Variants in KTN1 observed in about 807,000 individuals in gnomAD.
The protein encoded by KTN1 is kinectin.
In KTN1, 130 loss-of-function variants were observed where a neutral mutation model predicts 222.5. The observed-to-expected ratio is 0.58, with a 90% confidence interval of 0.51 to 0.68. The LOEUF is 0.68. Ranked by LOEUF, KTN1 falls within the 30% of genes least tolerant of loss-of-function variation. The pLI is 0.00. For missense variants in KTN1, 1,508 were observed against 1,500.4 expected (o/e 1.01, Z -0.08); for synonymous variants, 512 against 496.3 (o/e 1.03, Z -0.42).
chr14:55,664,878 A>G (rs2044537562), intron 33 of KTN1, among the ~76,000 whole-genome samples: 1 of 152,136 alleles, frequency 6.6e-6, no homozygotes, highest in South Asian at 2.1e-4. Flanking sequence ...AAGAACCTAC[A>G]TGATTAATTT....
intron 1 of KTN1, among the ~76,000 whole-genome samples, chr14:55,594,747 A>G (rs1485082545): frequency 6.6e-6 from 1 of 152,216 alleles, no homozygotes; most frequent in African/African-American, 2.4e-5. Flanking sequence ...AACAATGAAG[A>G]CAAATTTGTG....
intron 4 of KTN1, among the ~76,000 whole-genome samples, chr14:55,618,592 G>A (rs1314455601): frequency 2.0e-5 from 3 of 152,122 alleles, no homozygotes; most frequent in African/African-American, 7.2e-5. Flanking sequence ...TCTGATGGGT[G>A]GCAGCTCTTT....
chr14:55,677,481 A>G (rs1595326223), intron 41 of KTN1, among the ~76,000 whole-genome samples: 3 of 91,768 alleles, frequency 3.3e-5, no homozygotes, highest in Middle Eastern at 0.011. Flanking sequence ...TCTAAAAAAA[A>G]AAAAAAAAAA....
chr14:55,581,069 G>C (rs1455101193), intron 1 of KTN1, among the ~76,000 whole-genome samples: 1 of 152,232 alleles, frequency 6.6e-6, no homozygotes, highest in African/African-American at 2.4e-5. Context: ...CTAGCGATTC[G>C]GCCTGACCCC....
At chr14:55,619,157 G>C (rs752901757) in intron 4 of KTN1, 25 bp from the exon 5 acceptor site, 2 of 1,574,196 alleles carry the variant, frequency 1.3e-6, no homozygotes, top group Non-Finnish European at 1.7e-6. Context: ...CCAACTCTTT[G>C]TTTGTTTGTT....
chr14:55,593,706 T>A (rs545640964), intron 1 of KTN1, among the ~76,000 whole-genome samples: 1 of 152,286 alleles, frequency 6.6e-6, no homozygotes, highest in South Asian at 2.1e-4. Flanking sequence ...AAGGAATTAC[T>A]AATTTTTAAT....
At position 55,664,055 on chromosome 14, in the gene KTN1, C is replaced by T. The variant is rs376686874; in HGVS notation, c.3177+14C>T. 1,023 of 1,569,232 alleles carry T rather than the reference C, an allele frequency of 6.5e-4. 1 individual carries two copies. The highest frequency in any genetic ancestry group is 8.3e-4 in the Non-Finnish European group (949 of 1,142,366). Reference sequence around the variant, plus strand: ...AAGACTTCCAAGGTTGTAATGCTAACTCCTAGAAACAATCCACTGAACAGA... The same window carrying T: ...AAGACTTCCAAGGTTGTAATGCTAATTCCTAGAAACAATCCACTGAACAGA... On this transcript the variant is annotated intron_variant, in intron 33 of 43. Coordinates refer to ENST00000395314, the MANE Select transcript of KTN1 (RefSeq NM_001079521.2).
chr14:55,653,602 T>C lies in KTN1; in HGVS notation c.2801+6T>C. ...TTTGAAGAACTTGAGATTGTGTAAG[T>C]ATGCTTTAAGACCACATTTTGAAGA... On this transcript the variant is annotated splice_donor_region_variant and intron_variant, in intron 28 of 43. Transcript: ENST00000395314. The C allele has an allele frequency of 6.2e-7, 1 of 1,605,448 alleles. No homozygotes were observed. Among genetic ancestry groups the C allele is most frequent in the Non-Finnish European group, 8.5e-7 (1 of 1,172,788 alleles).
chr14:55,599,207 ATTTCT>A (rs750618891), intron 1 of KTN1, among the ~76,000 whole-genome samples: 52 of 151,426 alleles, frequency 3.4e-4, no homozygotes, highest in Admixed American at 5.9e-4. Flanking sequence ...TGTGTTTCTG[ATTTCT>A]TTTATAACTC....
Position 55,648,859 on chromosome 14 carries a change from C to G in KTN1, c.2356C>G (p.Gln786Glu). 6.3e-7 allele frequency: 1 copy of G among 1,583,486 alleles called. No individual in the cohort carries two copies. Among genetic ancestry groups the G allele is most frequent in the Non-Finnish European group, 8.7e-7 (1 of 1,154,246 alleles). ...AGAAGTTCAAGACTTAAAAGCTAAG[C>G]AAAATGATCAGGTAATGTAAATTTT... is the stretch of plus-strand genomic sequence containing the variant. ...TKEVQDLKAK[Q>E]NDQVSFASLV... The change falls in exon 21 of 44, where the codon CAA becomes GAA. Residue 786 changes from glutamine (Q) to glutamate (E), a missense_variant. Gln to Glu is a conservative substitution (Grantham distance 29). Coordinates refer to ENST00000395314, the MANE Select transcript of KTN1 (RefSeq NM_001079521.2).
At chr14:55,684,053 G>T in intron 43 of KTN1, 46 bp from the exon 44 acceptor site, 3 of 1,562,772 alleles carry the variant, frequency 1.9e-6, no homozygotes, top group Non-Finnish European at 2.6e-6. Context: ...ATTGCCTTCT[G>T]TTGCTTTGTT....
intron 29 of KTN1, 180 bp downstream of exon 29, chr14:55,656,312 A>G (rs2043464232): frequency 5.6e-6 from 3 of 538,148 alleles, no homozygotes; most frequent in Admixed American, 3.5e-5. Flanking sequence ...GTGTGTATGT[A>G]TGTATACTTG....
At chr14:55,637,701 C>T in intron 11 of KTN1, 78 bp from the exon 12 acceptor site, 1 of 937,798 alleles carries the variant, frequency 1.1e-6, no homozygotes, top group Non-Finnish European at 1.6e-6. Context: ...AACAAATGTA[C>T]CTATAATACA....
intron 1 of KTN1, among the ~76,000 whole-genome samples, chr14:55,585,636 T>A (rs1376623901): frequency 6.6e-6 from 1 of 152,210 alleles, no homozygotes; most frequent in African/African-American, 2.4e-5. Flanking sequence ...ATCAAGGCCT[T>A]CCAAAGGATT....
intron 1 of KTN1, among the ~76,000 whole-genome samples, chr14:55,603,753 G>A (rs190438200): frequency 2.6e-5 from 4 of 152,168 alleles, no homozygotes; most frequent in Middle Eastern, 3.4e-3. Context: ...CTGTCTCCTG[G>A]ACATCTCCAC....
At chr14:55,655,454 C>G (rs2043372824) in intron 28 of KTN1, among the ~76,000 whole-genome samples, 1 of 152,098 alleles carries the variant, frequency 6.6e-6, no homozygotes, top group Non-Finnish European at 1.5e-5. Flanking sequence ...ATACTTGAGA[C>G]TCTATTATGT....
intron 1 of KTN1, among the ~76,000 whole-genome samples, chr14:55,590,272 A>T (rs565441494): frequency 1.3e-5 from 2 of 152,346 alleles, no homozygotes; most frequent in African/African-American, 4.8e-5. Flanking sequence ...CTATTAAATG[A>T]TTCAGACATA....
chr14:55,597,551 C>T (rs1239055339), intron 1 of KTN1, among the ~76,000 whole-genome samples: 1 of 152,110 alleles, frequency 6.6e-6, no homozygotes, highest in African/African-American at 2.4e-5. Flanking sequence ...GGAATATGAA[C>T]ATTAAAATTG....
At chr14:55,619,449 T>C (rs1406087560) in intron 5 of KTN1, 137 bp downstream of exon 5, 6 of 757,586 alleles carry the variant, frequency 7.9e-6, no homozygotes, top group Admixed American at 4.6e-5. Context: ...CCTTCAGAAA[T>C]TACTTTATAT....
Sources: gnomAD v4.1 joint callset for allele counts (sites outside exome capture counted in the v4.1 genomes callset) on GRCh38, gnomAD v4.1.1 for gene constraint, MANE v1.5 for transcripts, NCBI Gene and HGNC (gene_info 2026-07-23, HGNC 2026-07-21) for gene names.